Variants in ARHGAP6 observed in about 807,000 individuals in gnomAD.
ARHGAP6 encodes Rho GTPase activating protein 6.
ARHGAP6 carries 16 observed loss-of-function variants against 55.7 expected under a neutral mutation model. The observed-to-expected ratio is 0.29, with a 90% confidence interval of 0.19 to 0.44. The LOEUF is 0.44. Among genes scored for constraint, ARHGAP6 ranks in the 20% least tolerant of loss-of-function variants. ARHGAP6 has a pLI of 1.00. For missense variants in ARHGAP6, 698 were observed against 808.9 expected, an observed-to-expected ratio of 0.86 and a Z score of 1.66; for synonymous variants, 382 against 360.9, an observed-to-expected ratio of 1.06 and a Z score of -0.66.
chrX:11,179,424 T>G lies in ARHGAP6; in HGVS notation c.1358A>C (p.Asp453Ala), dbSNP rs753651173. 5 of 1,209,625 alleles carry G rather than the reference T, an allele frequency of 4.1e-6. No homozygotes were observed. In the Admixed American group the frequency reaches 8.7e-5, roughly 21 times the overall value. Residue 453 changes from aspartate to alanine, a missense_variant, in exon 7 of 13, where the codon GAT becomes GCT. Around this residue, in one of 3 missense-constraint regions of ARHGAP6, gnomAD observed 322 missense variants for 451.1 expected, o/e 0.71. Coordinates refer to ENST00000337414, the MANE Select transcript of ARHGAP6 (RefSeq NM_013427.3). ...ACTGTGCTCCTCCTCCAGAGAGACA[T>G]CAATCCCACGGTCAAATTCCTCACG... ...QLREEFDRGI[D>A]VSLEEEHSVH...
intron 1 of ARHGAP6, among the ~76,000 whole-genome samples, chrX:11,417,083 T>TAC (rs2049760000): frequency 1.2e-5 from 1 of 80,602 alleles, no homozygotes; most frequent in Non-Finnish European, 2.4e-5. Flanking sequence ...TATATATATA[T>TAC]ATATATATAT....
At chrX:11,436,452 C>A (rs2049987919) in intron 1 of ARHGAP6, among the ~76,000 whole-genome samples, 1 of 112,244 alleles carries the variant, frequency 8.9e-6, no homozygotes, top group Admixed American at 9.4e-5. Context: ...TGGATAAGTA[C>A]CAAGTGTGGA....
intron 1 of ARHGAP6, among the ~76,000 whole-genome samples, chrX:11,375,510 T>C (rs1000125043): frequency 7.1e-5 from 8 of 112,252 alleles, no homozygotes; most frequent in African/African-American, 2.3e-4. Flanking sequence ...CATACCTCTA[T>C]ATTTACGCAT....
chrX:11,501,882 G>A (rs944082202), intron 1 of ARHGAP6, among the ~76,000 whole-genome samples: 1 of 111,523 alleles, frequency 9.0e-6, no homozygotes, highest in Non-Finnish European at 1.9e-5. Flanking sequence ...TGTCTCGAGG[G>A]TGGCAGAGGC....
At chrX:11,413,537 G>C (rs1000543776) in intron 1 of ARHGAP6, among the ~76,000 whole-genome samples, 2 of 112,008 alleles carry the variant, frequency 1.8e-5, no homozygotes, top group African/African-American at 6.5e-5. Flanking sequence ...CAAGCCACAC[G>C]GAGTTTAAAG....
chrX:11,227,695 AAC>A (rs1374844720), intron 2 of ARHGAP6, among the ~76,000 whole-genome samples: 1 of 110,037 alleles, frequency 9.1e-6, no homozygotes, highest in African/African-American at 3.3e-5. Context: ...CTTTCCTCCC[AAC>A]TCTCCAGATT....
chrX:11,430,400 TTG>T (rs987419981), intron 1 of ARHGAP6, among the ~76,000 whole-genome samples: 1 of 112,307 alleles, frequency 8.9e-6, no homozygotes, highest in African/African-American at 3.2e-5. Flanking sequence ...TTTGAAGAGT[TTG>T]TGAGATTGGG....
chrX:11,252,512 C>T (rs758052927), intron 2 of ARHGAP6, among the ~76,000 whole-genome samples: 4 of 112,182 alleles, frequency 3.6e-5, no homozygotes, highest in Non-Finnish European at 5.6e-5. Flanking sequence ...AGGATAAGAG[C>T]GACACGGCCT....
intron 1 of ARHGAP6, among the ~76,000 whole-genome samples, chrX:11,362,078 C>A (rs1012114107): frequency 1.2e-3 from 134 of 111,837 alleles, no homozygotes; most frequent in Non-Finnish European, 7.2e-4. Flanking sequence ...TAGTTCAACC[C>A]TTGTGGAAGT....
At chrX:11,478,972 GT>G (rs1344471568) in intron 1 of ARHGAP6, among the ~76,000 whole-genome samples, 1 of 112,123 alleles carries the variant, frequency 8.9e-6, no homozygotes, top group Non-Finnish European at 1.9e-5. Flanking sequence ...AACATTTTCT[GT>G]TTCCTAGCAG....
intron 1 of ARHGAP6, among the ~76,000 whole-genome samples, chrX:11,486,795 G>C (rs958128255): frequency 1.8e-5 from 2 of 111,971 alleles, no homozygotes; most frequent in African/African-American, 6.5e-5. Context: ...GTTGAAGCCT[G>C]AATCAGGTGA....
intron 8 of ARHGAP6, among the ~76,000 whole-genome samples, chrX:11,176,466 A>G (rs59960565): frequency 2.9e-5 from 3 of 102,315 alleles, no homozygotes; most frequent in East Asian, 3.2e-4. Flanking sequence ...GGCATAGGCA[A>G]TGGAGACTTG....
intron 1 of ARHGAP6, among the ~76,000 whole-genome samples, chrX:11,651,016 A>T (rs2052577938): frequency 8.9e-6 from 1 of 112,147 alleles, no homozygotes; most frequent in Non-Finnish European, 1.9e-5. Context: ...CTAGAGTAAC[A>T]CTCTGATATG....
chrX:11,325,327 T>A (rs1377594486), intron 1 of ARHGAP6, among the ~76,000 whole-genome samples: 1 of 112,317 alleles, frequency 8.9e-6, no homozygotes, highest in Non-Finnish European at 1.9e-5. Context: ...TTACTCAAAT[T>A]TACCAAGAAA....
chrX:11,510,071 G>A (rs1423297087), intron 1 of ARHGAP6, among the ~76,000 whole-genome samples: 1 of 112,077 alleles, frequency 8.9e-6, no homozygotes, highest in East Asian at 2.8e-4. Flanking sequence ...ATCAGATTAA[G>A]CTGTGGAATG....
intron 1 of ARHGAP6, among the ~76,000 whole-genome samples, chrX:11,608,166 C>T (rs2052057323): frequency 9.0e-6 from 1 of 111,045 alleles, no homozygotes; most frequent in Admixed American, 9.6e-5. Flanking sequence ...CTAAGGTAAC[C>T]CGGCAAACAT....
rs767648055 is a variant in ARHGAP6 at position 11,232,300 on chromosome X, T to C, written c.748+22248A>G. On this transcript the variant is annotated intron_variant, in intron 2 of 12. Transcript: ENST00000337414. ...CTACTCACTACCTCCCTGAGATCAG[T>C]GTTGTCCAGGAATGAAAAGCAAGTA... Among the ~76,000 whole-genome samples the C allele has an allele frequency of 2.0e-3, 218 of 111,383 alleles. 1 individual carries two copies. The highest frequency in any genetic ancestry group is 6.2e-3 in the African/African-American group (190 of 30,628).
chrX:11,376,318 T>C (rs1185561120), intron 1 of ARHGAP6, among the ~76,000 whole-genome samples: 1 of 112,810 alleles, frequency 8.9e-6, no homozygotes, highest in Non-Finnish European at 1.9e-5. Context: ...TCCTGGATTA[T>C]CCAGGTAAAA....
chrX:11,434,999 A>T (rs2049974647), intron 1 of ARHGAP6, among the ~76,000 whole-genome samples: 1 of 112,176 alleles, frequency 8.9e-6, no homozygotes, highest in Admixed American at 9.4e-5. Context: ...ACCATGCCTT[A>T]TGAAGGTGGT....
Sources: allele counts gnomAD v4.1 joint callset (sites outside exome capture counted in the v4.1 genomes callset), GRCh38; gene constraint gnomAD v4.1.1; regional missense constraint gnomAD v4.1.1; transcripts MANE v1.5; gene names NCBI Gene and HGNC (gene_info 2026-07-23, HGNC 2026-07-21).